Variants in NPAS1 observed in about 807,000 individuals in gnomAD.
The protein encoded by NPAS1 is neuronal PAS domain-containing protein 1.
A neutral mutation model predicts 49.2 loss-of-function variants in NPAS1; 29 were observed. That is an observed-to-expected ratio of 0.59 (90% CI 0.44 to 0.80). The LOEUF is 0.80. Ranked by LOEUF, NPAS1 falls within the 30% of genes least tolerant of loss-of-function variation. The pLI, the probability that NPAS1 is intolerant of heterozygous loss-of-function variation, is 0.00. For synonymous variants in NPAS1, 408 were observed against 380.4 expected (o/e 1.07, Z -0.84); for missense variants, 825 against 835.5 (o/e 0.99, Z 0.15).
chr19:47,031,112 AT>A (rs2056902346), intron 3 of NPAS1, among the ~76,000 whole-genome samples: 1 of 149,810 alleles, frequency 6.7e-6, no homozygotes. Flanking sequence ...ATTACTCTCC[AT>A]TTTGCACCAC....
chr19:47,032,584 G>A (rs2056914718), intron 4 of NPAS1, 59 bp from the exon 5 acceptor site: 27 of 1,495,560 alleles, frequency 1.8e-5, no homozygotes, highest in South Asian at 1.4e-4. Flanking sequence ...ACCACTTGGC[G>A]GCTGGACAGA....
chr19:47,033,905 GGT>G (rs2056926051), intron 5 of NPAS1, among the ~76,000 whole-genome samples: 1 of 145,120 alleles, frequency 6.9e-6, no homozygotes, highest in Admixed American at 7.1e-5. Flanking sequence ...GAGCCCATAG[GGT>G]CAAGGTGGCA....
chr19:47,037,208 C>T (rs529255877), intron 6 of NPAS1, among the ~76,000 whole-genome samples: 6 of 150,872 alleles, frequency 4.0e-5, no homozygotes, highest in Admixed American at 1.3e-4. Flanking sequence ...AAAAATTAGC[C>T]GGGCGTGGTG....
In NPAS1 at chr19:47,039,478, GGCCCCCCTGGCTGAGCTGCCA is replaced by G. The variant is rs759263950; in HGVS notation, c.877_897del (p.Ala293_Pro299del). On this transcript the variant is annotated inframe_deletion, in exon 8 of 12. Coordinates refer to ENST00000602212, the MANE Select transcript of NPAS1 (RefSeq NM_002517.4). ...TGGCCCTCGGGCACACGTTGCCCCC[GGCCCCCCTGGCTGAGCTGCCA>G]CTCCATGGACACATGATCGTCTTCC... The G allele has an allele frequency of 6.2e-7, 1 of 1,610,536 alleles. No homozygotes were observed. Among genetic ancestry groups the G allele is most frequent in the Non-Finnish European group, 8.5e-7 (1 of 1,178,902 alleles).
chr19:47,036,347 CT>C (rs1314801381), intron 6 of NPAS1, among the ~76,000 whole-genome samples: 3 of 152,242 alleles, frequency 2.0e-5, no homozygotes, highest in African/African-American at 7.2e-5. Flanking sequence ...AAAGACCCCC[CT>C]GGCTGCTGAA....
At chr19:47,022,419 T>C (rs2056847901) in intron 3 of NPAS1, among the ~76,000 whole-genome samples, 1 of 152,228 alleles carries the variant, frequency 6.6e-6, no homozygotes, top group Admixed American at 6.5e-5. Context: ...GTCGCCTCAC[T>C]TCTCTGTGCC....
intron 5 of NPAS1, chr19:47,035,716 C>T: frequency 2.2e-6 from 1 of 449,196 alleles, no homozygotes; most frequent in East Asian, 3.7e-5. Flanking sequence ...CACTCCCACA[C>T]ACAGCCCCTT....
intron 6 of NPAS1, among the ~76,000 whole-genome samples, chr19:47,037,412 A>C (rs1277949882): frequency 6.7e-6 from 1 of 149,848 alleles, no homozygotes; most frequent in Non-Finnish European, 1.5e-5. Context: ...AAGAAGTGTT[A>C]TCTCCATTTT....
chr19:47,043,157 G>A lies in NPAS1; in HGVS notation c.1312+253G>A, dbSNP rs569438654. On this transcript the variant is annotated intron_variant, in intron 11 of 11. Coordinates refer to ENST00000602212, the MANE Select transcript of NPAS1 (RefSeq NM_002517.4). ...CTAAAAATACAAAAATTAGCTGGGC[G>A]TGGTGGCATGCGCCTGTAATCCCAG... is the stretch of plus-strand genomic sequence containing the variant. Among the ~76,000 whole-genome samples, 20 of 150,800 alleles carry A rather than the reference G, an allele frequency of 1.3e-4. No individual in the cohort carries two copies. The South Asian group carries it at 2.7e-3, about 20-fold the overall frequency.
At chr19:47,029,674 T>C (rs2056894177) in intron 3 of NPAS1, among the ~76,000 whole-genome samples, 1 of 152,154 alleles carries the variant, frequency 6.6e-6, no homozygotes, top group African/African-American at 2.4e-5. Context: ...GCACTGAGAT[T>C]ACAGGTGTGA....
chr19:47,035,735 G>A (rs1054502502), intron 5 of NPAS1: 17 of 510,656 alleles, frequency 3.3e-5, no homozygotes, highest in Admixed American at 7.5e-5. Context: ...TTAATAGAGT[G>A]GGCGGGGAAA....
intron 6 of NPAS1, among the ~76,000 whole-genome samples, chr19:47,038,454 TC>T (rs894943699): frequency 4.9e-5 from 7 of 142,214 alleles, no homozygotes; most frequent in African/African-American, 1.9e-4. Flanking sequence ...GAGACGGAGG[TC>T]GCAGTAGGCC....
At chr19:47,026,447 G>A (rs541390782) in intron 3 of NPAS1, among the ~76,000 whole-genome samples, 16 of 152,334 alleles carry the variant, frequency 1.1e-4, no homozygotes, top group African/African-American at 2.4e-4. Context: ...TGGTGAGGGC[G>A]GAAGTAGGAG....
At chr19:47,020,196 C>G in intron 1 of NPAS1, among the ~76,000 whole-genome samples, 199 bp downstream of exon 1, 1 of 149,146 alleles carries the variant, frequency 6.7e-6, no homozygotes. Context: ...ATCTGGACAC[C>G]TGGCTGGGAG....
Position 47,041,164 on chromosome 19 carries a change from GC to G in NPAS1, c.1217+42del. 5 of 1,494,700 alleles carry G rather than the reference GC, an allele frequency of 3.3e-6. No individual in the cohort carries two copies. In the South Asian group the frequency reaches 5.2e-5, roughly 15 times the overall value. 92.6% of individuals were successfully genotyped at this position (1,494,700 alleles called of 1,614,324 possible). On this transcript the variant is annotated intron_variant, in intron 10 of 11. Coordinates refer to ENST00000602212, the MANE Select transcript of NPAS1 (RefSeq NM_002517.4). ...CCACCCCTCCTGCAGGGCACTCAGG[GC>G]CCTGCTGTCTCTCCCCACCTCCAGT... is the stretch of plus-strand genomic sequence containing the variant.
intron 3 of NPAS1, among the ~76,000 whole-genome samples, chr19:47,022,417 A>T (rs927473716): frequency 3.3e-5 from 5 of 152,178 alleles, no homozygotes; most frequent in Non-Finnish European, 7.4e-5. Context: ...AGGTCGCCTC[A>T]CTTCTCTGTG....
Position 47,027,602 on chromosome 19 carries a change from C to G in NPAS1, c.359-4676C>G, listed in dbSNP as rs1187396484. Among the ~76,000 whole-genome samples, 93 of 53,902 alleles carry G rather than the reference C, an allele frequency of 1.7e-3. 14 individuals carry two copies. The highest frequency in any genetic ancestry group is 6.9e-3 in the African/African-American group (80 of 11,532). The allele number at this position is 53,902 out of a possible 152,430, so 35.4% of individuals were successfully genotyped here. A position where few individuals can be genotyped will look rare whatever the true frequency, so the allele number is the denominator to read the frequency against. On this transcript the variant is annotated intron_variant, in intron 3 of 11. Transcript: ENST00000602212. ...TCTCTCTGCCCCTGGTCTCCCGTCT[C>G]TCTGCCCCTGGTCTCCCGTCTCTCT... is the stretch of plus-strand genomic sequence containing the variant.
Position 47,045,398 on chromosome 19 carries a change from C to T in NPAS1, c.1520C>T (p.Pro507Leu), listed in dbSNP as rs375512462. The T allele has an allele frequency of 1.4e-5, 22 of 1,612,136 alleles. No homozygotes were observed. Among genetic ancestry groups the T allele is most frequent in the Non-Finnish European group, 1.6e-5 (19 of 1,179,450 alleles). Reference sequence around the variant, plus strand: ...CGGGCAGGGGTCCTGAAGCAGGATCCGGTGCGGCCATGGGGCCTGGCGCCT... The same window carrying T: ...CGGGCAGGGGTCCTGAAGCAGGATCTGGTGCGGCCATGGGGCCTGGCGCCT... ...VIRAGVLKQDPVRPWGLAPPG... is the reference protein window; with the variant it reads ...VIRAGVLKQDLVRPWGLAPPG... Residue 507 changes from proline (P) to leucine (L), a missense_variant, in exon 12 of 12, where the codon CCG becomes CTG. Pro to Leu is a moderately conservative substitution (Grantham distance 98). Transcript: ENST00000602212.
chr19:47,021,651 G>T lies in NPAS1; in HGVS notation c.162G>T (p.Ala54=). 1.3e-6 allele frequency: 2 copies of T among 1,552,488 alleles called. No homozygotes were observed. Among genetic ancestry groups the T allele is most frequent in the South Asian group, 1.2e-5 (1 of 83,896 alleles). ...AQRKEKSRNA[A]RSRRGKENLE... is the part of the protein sequence containing the mutation. ...GCAAGGAGAAGTCCCGGAACGCGGC[G>T]CGCTCGCGGCGCGGGAAGGAGAACC... is the stretch of plus-strand genomic sequence containing the variant. Residue 54 remains alanine (A), a synonymous_variant, in exon 3 of 12, where the codon GCG becomes GCT. Coordinates refer to ENST00000602212, the MANE Select transcript of NPAS1 (RefSeq NM_002517.4). The surrounding 1 kb of genome is among the most constrained non-coding windows in gnomAD (Gnocchi z 5.7).
Sources: allele counts gnomAD v4.1 joint callset (sites outside exome capture counted in the v4.1 genomes callset), GRCh38; gene constraint gnomAD v4.1.1; non-coding constraint Gnocchi (gnomAD v3.1); transcripts MANE v1.5; gene names NCBI Gene and HGNC (gene_info 2026-07-23, HGNC 2026-07-21).